The following CMC2 variants were observed in gnomAD, a reference collection of about 807,000 sequenced individuals.
CMC2 encodes the protein C-X9-C motif containing 2.
In CMC2, 5 loss-of-function variants were observed where a neutral mutation model predicts 7.5. That is an observed-to-expected ratio of 0.66 (90% CI 0.35 to 1.40). The LOEUF is 1.40. Among genes scored for constraint, CMC2 ranks in the 40% most tolerant of loss-of-function variants. CMC2 has a pLI of 0.04. For missense variants in CMC2, 115 were observed against 92.3 expected, an observed-to-expected ratio of 1.25 and a Z score of -1.01; for synonymous variants, 37 against 31.4, an observed-to-expected ratio of 1.18 and a Z score of -0.60.
At chr16:80,987,917 T>C (rs1967663607) in intron 2 of CMC2, among the ~76,000 whole-genome samples, 1 of 152,026 alleles carries the variant, frequency 6.6e-6, no homozygotes, top group Non-Finnish European at 1.5e-5. Flanking sequence ...GGCTCATGCC[T>C]GTAATCCCAG....
Position 80,969,617 on chromosome 16 carries a change from G to A in CMC2, c.*6476C>T, listed in dbSNP as rs1429730768. ...GAAGTGATGAAGAGAGCCAGGCACGGTGGTTCAGGCCTGTAATCCCAGCAC... is the reference window on the plus strand; with the variant it reads ...GAAGTGATGAAGAGAGCCAGGCACGATGGTTCAGGCCTGTAATCCCAGCAC... On this transcript the variant is annotated 3_prime_UTR_variant, in exon 4 of 4. Coordinates refer to ENST00000219400, the MANE Select transcript of CMC2 (RefSeq NM_020188.5). 1 of 152,362 alleles carries A rather than the reference G, an allele frequency of 6.6e-6. No homozygotes were observed. Among genetic ancestry groups the A allele is most frequent in the Non-Finnish European group, 1.5e-5 (1 of 68,164 alleles). The allele number at this position is 152,362 out of a possible 1,614,324, so 9.4% of individuals were successfully genotyped here. A position where few individuals can be genotyped will look rare whatever the true frequency, so the allele number is the denominator to read the frequency against.
intron 2 of CMC2, among the ~76,000 whole-genome samples, chr16:80,990,862 C>G (rs1024213300): frequency 2.0e-5 from 3 of 151,994 alleles, no homozygotes; most frequent in Non-Finnish European, 2.9e-5. Context: ...GGAGCTGGGA[C>G]TACAGGCATG....
At chr16:80,984,452 T>C (rs1967369686) in intron 2 of CMC2, among the ~76,000 whole-genome samples, 1 of 152,232 alleles carries the variant, frequency 6.6e-6, no homozygotes, top group Non-Finnish European at 1.5e-5. Context: ...TACGTTTCAA[T>C]TCCACACTGA....
At chr16:81,001,928 A>AC (rs1968897049) in intron 1 of CMC2, among the ~76,000 whole-genome samples, 1 of 151,980 alleles carries the variant, frequency 6.6e-6, no homozygotes, top group Non-Finnish European at 1.5e-5. Context: ...AAACGAAAAA[A>AC]GAAAATGCAG....
intron 1 of CMC2, chr16:80,998,434 T>C (rs563013817): frequency 4.6e-5 from 7 of 152,232 alleles, no homozygotes; most frequent in African/African-American, 1.2e-4. Context: ...GGCGGGCATG[T>C]AAACTGGGAT....
Position 80,971,573 on chromosome 16 carries a change from T to TATATATATATATGTATGAAATCATGC in CMC2, c.*4494_*4519dup, listed in dbSNP as rs1477634733. 5.0e-5 allele frequency: 7 copies of TATATATATATATGTATGAAATCATGC among 140,794 alleles called. No homozygotes were observed. The highest frequency in any genetic ancestry group is 4.4e-4 in the South Asian group (2 of 4,572). 8.7% of individuals were successfully genotyped at this position (140,794 alleles called of 1,614,324 possible). A position where few individuals can be genotyped will look rare whatever the true frequency, so the allele number is the denominator to read the frequency against. ...CTGACATACATACATTTTATATATA[T>TATATATATATATGTATGAAATCATGC]ATATATATATATGTATGAAATCATG... On this transcript the variant is annotated 3_prime_UTR_variant, in exon 4 of 4. Coordinates refer to ENST00000219400, the MANE Select transcript of CMC2 (RefSeq NM_020188.5).
In CMC2 at chr16:80,974,412, C is replaced by G. The variant is rs1912132974; in HGVS notation, c.*1681G>C. ...CCAACTAACTCCTCTACCCAAATCCCTAATCACCATATTAAAACCTGCAAC... is the reference window on the plus strand; with the variant it reads ...CCAACTAACTCCTCTACCCAAATCCGTAATCACCATATTAAAACCTGCAAC... On this transcript the variant is annotated 3_prime_UTR_variant, in exon 4 of 4. Coordinates refer to ENST00000219400, the MANE Select transcript of CMC2 (RefSeq NM_020188.5). 6.6e-6 allele frequency: 1 copy of G among 152,186 alleles called. No homozygotes were observed. The highest frequency in any genetic ancestry group is 2.4e-5 in the African/African-American group (1 of 41,442). 9.4% of individuals were successfully genotyped at this position (152,186 alleles called of 1,614,324 possible).
At chr16:81,001,096 A>T (rs1160215868) in intron 1 of CMC2, among the ~76,000 whole-genome samples, 1 of 152,244 alleles carries the variant, frequency 6.6e-6, no homozygotes. Flanking sequence ...ACGCAGCAAC[A>T]GAAAGCCAAA....
intron 2 of CMC2, among the ~76,000 whole-genome samples, chr16:80,994,936 A>G (rs1187142022): frequency 1.3e-5 from 2 of 152,122 alleles, no homozygotes; most frequent in African/African-American, 2.4e-5. Flanking sequence ...ACCTGAGATC[A>G]GGAGTTCGAG....
chr16:81,004,792 G>A lies in CMC2; in HGVS notation c.-36+1942C>T, dbSNP rs562925484. 7.9e-5 allele frequency among the ~76,000 whole-genome samples: 12 copies of A among 152,330 alleles called. 1 individual carries two copies. The highest frequency in any genetic ancestry group is 2.6e-4 in the African/African-American group (11 of 41,576). On this transcript the variant is annotated intron_variant, in intron 1 of 3. Coordinates refer to ENST00000219400, the MANE Select transcript of CMC2 (RefSeq NM_020188.5). Reference sequence around the variant, plus strand: ...GACTCTGAGGTACAATTTTCCTCAAGAGTAGTCTAAGACAGATTTCAACCA... The same window carrying A: ...GACTCTGAGGTACAATTTTCCTCAAAAGTAGTCTAAGACAGATTTCAACCA...
In CMC2 at chr16:80,986,307, G is replaced by A. The variant is rs1967530270; in HGVS notation, c.82-4430C>T. 2.0e-5 allele frequency among the ~76,000 whole-genome samples: 3 copies of A among 152,114 alleles called. No homozygotes were observed. In the South Asian group the frequency reaches 6.2e-4, roughly 32 times the overall value. ...GGAAGTTGTAGTGAGCCAAGATCATGCCACTACACTCCAGCCTGGGCGACA... is the reference window on the plus strand; with the variant it reads ...GGAAGTTGTAGTGAGCCAAGATCATACCACTACACTCCAGCCTGGGCGACA... On this transcript the variant is annotated intron_variant, in intron 2 of 3. Transcript: ENST00000219400.
intron 3 of CMC2, chr16:80,978,445 T>A (rs1397081422): frequency 1.2e-5 from 14 of 1,173,700 alleles, no homozygotes; most frequent in African/African-American, 3.3e-5. Flanking sequence ...AGGATGAATA[T>A]GAAGTTACTC....
At position 80,968,737 on chromosome 16, in the gene CMC2, G is replaced by T. The variant is rs1336518514; in HGVS notation, c.*7356C>A. On this transcript the variant is annotated 3_prime_UTR_variant, in exon 4 of 4. Coordinates refer to ENST00000219400, the MANE Select transcript of CMC2 (RefSeq NM_020188.5). ...AAATATAGTTTTTAAAGGTGTAGTTGAGCTCACAAGAAAGGAAAGAAAATC... is the reference window on the plus strand; with the variant it reads ...AAATATAGTTTTTAAAGGTGTAGTTTAGCTCACAAGAAAGGAAAGAAAATC... The T allele has an allele frequency of 6.6e-6, 1 of 152,158 alleles. No individual in the cohort carries two copies. Among genetic ancestry groups the T allele is most frequent in the Non-Finnish European group, 1.5e-5 (1 of 68,040 alleles). 9.4% of individuals were successfully genotyped at this position (152,158 alleles called of 1,614,324 possible).
rs1313658517 is a variant in CMC2, at chr16:80,976,013, A to G, written c.*80T>C. 2 of 800,672 alleles carry G rather than the reference A, an allele frequency of 2.5e-6. No individual in the cohort carries two copies. The highest frequency in any genetic ancestry group is 4.3e-6 in the Non-Finnish European group (2 of 461,846). The allele number at this position is 800,672 out of a possible 1,614,324, so 49.6% of individuals were successfully genotyped here. ...TTCCATTCAAAGGATTATGGAGACCAAATAAGACAGGATTCTTTCAGGTAT... is the reference window on the plus strand; with the variant it reads ...TTCCATTCAAAGGATTATGGAGACCGAATAAGACAGGATTCTTTCAGGTAT... On this transcript the variant is annotated 3_prime_UTR_variant, in exon 4 of 4. Coordinates refer to ENST00000219400, the MANE Select transcript of CMC2 (RefSeq NM_020188.5).
rs916762874 is a variant in CMC2, at chr16:80,971,771, T to TA, written c.*4321dup. On this transcript the variant is annotated 3_prime_UTR_variant, in exon 4 of 4. Transcript: ENST00000219400. ...ACCTGTATTTTTTAAAAGTATGACTTAGATAGCAGCTATGTGAGTGTTCGT... is the reference window on the plus strand; with the variant it reads ...ACCTGTATTTTTTAAAAGTATGACTTAAGATAGCAGCTATGTGAGTGTTCGT... 10 of 152,010 alleles carry TA rather than the reference T, an allele frequency of 6.6e-5. No homozygotes were observed. Among genetic ancestry groups the TA allele is most frequent in the African/African-American group, 2.2e-4 (9 of 41,330 alleles). The allele number at this position is 152,010 out of a possible 1,614,324, so 9.4% of individuals were successfully genotyped here.
intron 2 of CMC2, among the ~76,000 whole-genome samples, chr16:80,992,274 T>C (rs1026501506): frequency 1.3e-5 from 2 of 152,212 alleles, no homozygotes; most frequent in African/African-American, 4.8e-5. Context: ...GTTGGGAAAG[T>C]GTGTTCCCAA....
At chr16:81,005,642 G>C (rs549246641) in intron 1 of CMC2, among the ~76,000 whole-genome samples, 22 of 152,132 alleles carry the variant, frequency 1.4e-4, no homozygotes, top group Middle Eastern at 3.4e-3. Context: ...TGGCACTGTA[G>C]ACCCCATGCC....
At chr16:80,987,446 T>C (rs980696020) in intron 2 of CMC2, among the ~76,000 whole-genome samples, 2 of 152,228 alleles carry the variant, frequency 1.3e-5, no homozygotes, top group Non-Finnish European at 2.9e-5. Context: ...ATATGTATTA[T>C]TTACATATTA....
rs1460005163 is a variant in CMC2 at position 80,972,467 on chromosome 16, T to A, written c.*3626A>T. 6.6e-6 allele frequency: 1 copy of A among 152,194 alleles called. No individual in the cohort carries two copies. The highest frequency in any genetic ancestry group is 1.5e-5 in the Non-Finnish European group (1 of 68,044). The allele number at this position is 152,194 out of a possible 1,614,324, so 9.4% of individuals were successfully genotyped here. A position where few individuals can be genotyped will look rare whatever the true frequency, so the allele number is the denominator to read the frequency against. On this transcript the variant is annotated 3_prime_UTR_variant, in exon 4 of 4. Coordinates refer to ENST00000219400, the MANE Select transcript of CMC2 (RefSeq NM_020188.5). The stretch of plus-strand genomic sequence containing the variant: ...AGCCCAAGCCCTTTCTATAGAAAAC[T>A]AATTGTGCTTTGAGCTAAAAACTCC...
Sources: allele counts gnomAD v4.1 joint callset (sites outside exome capture counted in the v4.1 genomes callset), GRCh38; gene constraint gnomAD v4.1.1; transcripts MANE v1.5; gene names NCBI Gene and HGNC (gene_info 2026-07-23, HGNC 2026-07-21).